Variants in ZNF48 observed in about 807,000 individuals in gnomAD.
The protein encoded by ZNF48 is zinc finger protein 553.
A neutral mutation model predicts 40.0 loss-of-function variants in ZNF48; 20 were observed. The ratio of observed to expected loss-of-function variants is 0.50; its 90% confidence interval spans 0.35 to 0.73. The LOEUF is 0.73. ZNF48 is among the 30% of genes least tolerant of loss of function. The pLI is 0.01. For synonymous variants in ZNF48, 298 were observed against 329.7 expected (o/e 0.90, Z 1.04); for missense variants, 726 against 851.9 (o/e 0.85, Z 1.84).
rs770078563 is a variant in ZNF48 at position 30,397,835 on chromosome 16, T to C, written c.585T>C (p.Gly195=). 6.2e-7 allele frequency: 1 copy of C among 1,613,602 alleles called. No homozygotes were observed. Among genetic ancestry groups the C allele is most frequent in the Admixed American group, 1.7e-5 (1 of 59,974 alleles). Residue 195 remains glycine (G), a synonymous_variant, in exon 3 of 3, where the codon GGT becomes GGC. Coordinates refer to ENST00000613509, the MANE Select transcript of ZNF48 (RefSeq NM_001214909.2). The surrounding 1 kb of genome is among the most constrained non-coding windows in gnomAD (Gnocchi z 4.1). The part of the protein sequence containing the change: ...IPAGERPTIC[G]ECGKSFRQSS... ...CTGGTGAGCGCCCCACTATCTGTGGTGAATGTGGCAAGAGCTTCCGGCAGA... is the reference window on the plus strand; with the variant it reads ...CTGGTGAGCGCCCCACTATCTGTGGCGAATGTGGCAAGAGCTTCCGGCAGA...
upstream of ZNF48, among the ~76,000 whole-genome samples, chr16:30,391,706 AAACTGGTCTCG>A: frequency 6.6e-6 from 1 of 151,320 alleles, no homozygotes; most frequent in Non-Finnish European, 1.5e-5. Context: ...CATGTTGGCC[AAACTGGTCTCG>A]AACTCCTGAC....
chr16:30,397,325 C>G lies in ZNF48; in HGVS notation c.80-5C>G. The G allele has an allele frequency of 1.2e-6, 2 of 1,602,780 alleles. No individual in the cohort carries two copies. Among genetic ancestry groups the G allele is most frequent in the Non-Finnish European group, 1.7e-6 (2 of 1,175,164 alleles). ...AGGGTCTACAACTTCCTTTTCTTTC[C>G]TCAGGTCTAGGGAGTGAGAACGTGA... On this transcript the variant is annotated splice_region_variant and splice_polypyrimidine_tract_variant and intron_variant, in intron 2 of 2. Transcript: ENST00000613509. The surrounding 1 kb of genome is among the most constrained non-coding windows in gnomAD (Gnocchi z 4.1).
At position 30,397,910 on chromosome 16, in the gene ZNF48, C is replaced by G; in HGVS notation, c.660C>G (p.Tyr220Ter). The G allele has an allele frequency of 6.2e-7, 1 of 1,613,116 alleles. No homozygotes were observed. Among genetic ancestry groups the G allele is most frequent in the South Asian group, 1.1e-5 (1 of 91,060 alleles). Reference sequence around the variant, plus strand: ...GGACACACACTGGTGAGAAGCCCTACAAGTGTGGCATATGTGGCAAGGGCT... The same window carrying G: ...GGACACACACTGGTGAGAAGCCCTAGAAGTGTGGCATATGTGGCAAGGGCT... Reference protein sequence around the residue: ...HQRTHTGEKPYKCGICGKGFG... With the variant: ...HQRTHTGEKP The change falls in exon 3 of 3, where the codon TAC (tyrosine) becomes TAG (stop). Residue 220 changes from tyrosine to a stop codon, truncating the protein, a stop_gained. Coordinates refer to ENST00000613509, the MANE Select transcript of ZNF48 (RefSeq NM_001214909.2). LOFTEE classifies it high-confidence loss of function. The surrounding 1 kb of genome is among the most constrained non-coding windows in gnomAD (Gnocchi z 4.1).
chr16:30,388,987 G>A (rs1407540415), intron 1 of ZNF48, among the ~76,000 whole-genome samples: 4 of 152,084 alleles, frequency 2.6e-5, no homozygotes, highest in African/African-American at 7.2e-5. Flanking sequence ...GTGGCCGGGT[G>A]TGGTGGCTCA....
Position 30,382,555 on chromosome 16 carries a change from C to G in ZNF48, c.-16+4145C>G. On this transcript the variant is annotated intron_variant, in intron 1 of 2. Coordinates refer to the ZNF48 transcript ENST00000528032. The surrounding 1 kb of genome is among the most constrained non-coding windows in gnomAD (Gnocchi z 4.8). ...CTCCGCCAGCCATCACTGCACCTGC[C>G]GTCTCTCCCCACTTCCTCTGGTGGG... 6.3e-7 allele frequency: 1 copy of G among 1,588,932 alleles called. No individual in the cohort carries two copies. The highest frequency in any genetic ancestry group is 8.6e-7 in the Non-Finnish European group (1 of 1,167,572).
upstream of ZNF48, among the ~76,000 whole-genome samples, chr16:30,394,061 C>T (rs202209524): frequency 3.3e-5 from 5 of 151,322 alleles, no homozygotes; most frequent in East Asian, 9.7e-4. Flanking sequence ...GACAGGGTCT[C>T]GCTCTGTTGC....
chr16:30,395,997 GA>G lies in ZNF48; in HGVS notation c.79+125del. The G allele has an allele frequency of 9.4e-7, 1 of 1,061,084 alleles. No individual in the cohort carries two copies. Among genetic ancestry groups the G allele is most frequent in the Non-Finnish European group, 1.3e-6 (1 of 794,202 alleles). 65.7% of individuals were successfully genotyped at this position (1,061,084 alleles called of 1,614,324 possible). A position where few individuals can be genotyped will look rare whatever the true frequency, so the allele number is the denominator to read the frequency against. On this transcript the variant is annotated intron_variant, in intron 2 of 2. Transcript: ENST00000613509. This position sits in a 1 kb window ranked among gnomAD's most constrained non-coding sequence, Gnocchi z 5.9. ...AGCTGTGCCTCTGGGGAGATAGGGG[GA>G]GGGGAGCTTTCGGAGCACCAACTGT...
chr16:30,384,747 G>A (rs967509884), intron 1 of ZNF48, among the ~76,000 whole-genome samples: 4 of 151,308 alleles, frequency 2.6e-5, no homozygotes, highest in African/African-American at 4.9e-5. Context: ...GCATGGTGGT[G>A]CACGCCTGTA....
rs562133143 is a variant in ZNF48 at position 30,399,439 on chromosome 16, G to GATGGGCAGTTAGT, written c.*333_*334insTGGGCAGTTAGTA. On this transcript the variant is annotated 3_prime_UTR_variant, in exon 3 of 3. Coordinates refer to ENST00000613509, the MANE Select transcript of ZNF48 (RefSeq NM_001214909.2). Reference sequence around the variant, plus strand: ...CCTGCTGCCTCATCTGTTAAGAACTGACACTTTCCCCTTGCTGGGCAGGTA... The same window carrying GATGGGCAGTTAGT: ...CCTGCTGCCTCATCTGTTAAGAACTGATGGGCAGTTAGTACACTTTCCCCTTGCTGGGCAGGTA... The GATGGGCAGTTAGT allele has an allele frequency of 8.4e-5, 18 of 214,866 alleles. No individual in the cohort carries two copies. The highest frequency in any genetic ancestry group is 1.3e-4 in the Non-Finnish European group (14 of 107,770). The allele number at this position is 214,866 out of a possible 1,614,324, so 13.3% of individuals were successfully genotyped here.
chr16:30,382,937 G>A lies in ZNF48; in HGVS notation c.-16+4527G>A, dbSNP rs1415908649. On this transcript the variant is annotated intron_variant, in intron 1 of 2. Transcript: ENST00000528032. The surrounding 1 kb of genome is among the most constrained non-coding windows in gnomAD (Gnocchi z 4.8). ...GCCTGTAATCTCAGCACTTTGGGAG[G>A]CGGAGGAGGGAGGACAGCTTGAGCC... The A allele has an allele frequency of 1.1e-5, 8 of 718,280 alleles. No individual in the cohort carries two copies. The highest frequency in any genetic ancestry group is 1.7e-5 in the African/African-American group (1 of 57,722). 44.5% of individuals were successfully genotyped at this position (718,280 alleles called of 1,614,324 possible). A position where few individuals can be genotyped will look rare whatever the true frequency, so the allele number is the denominator to read the frequency against.
chr16:30,381,890 G>A lies in ZNF48; in HGVS notation c.-16+3480G>A. ...AGGGTCTGTGTCAAGCGAGCTGTGG[G>A]ATGGGGGAGAGGTCAGGGATCCGGG... is the stretch of plus-strand genomic sequence containing the variant. On this transcript the variant is annotated intron_variant, in intron 1 of 2. Transcript: ENST00000528032. The surrounding 1 kb of genome is among the most constrained non-coding windows in gnomAD (Gnocchi z 4.3). The A allele has an allele frequency of 6.2e-7, 1 of 1,614,088 alleles. No individual in the cohort carries two copies.
In ZNF48 at chr16:30,397,759, C is replaced by T. The variant is rs571888777; in HGVS notation, c.509C>T (p.Ala170Val). The T allele has an allele frequency of 6.2e-7, 1 of 1,613,730 alleles. No individual in the cohort carries two copies. Among genetic ancestry groups the T allele is most frequent in the South Asian group, 1.1e-5 (1 of 91,078 alleles). The change falls in exon 3 of 3, where the codon GCC (alanine) becomes GTC (valine). Residue 170 changes from alanine (A) to valine (V), a missense_variant. By Grantham distance (64) the Ala-to-Val change is moderately conservative. Around this residue, in one of 5 missense-constraint regions of ZNF48, gnomAD observed 378 missense variants for 449.1 expected, o/e 0.84. Transcript: ENST00000613509. This position sits in a 1 kb window ranked among gnomAD's most constrained non-coding sequence, Gnocchi z 4.1. ...RTHSGEKPYRARPPAQGPPKI... is the reference protein window; with the variant it reads ...RTHSGEKPYRVRPPAQGPPKI... ...CATAGTGGGGAGAAGCCCTATAGAGCCCGGCCACCAGCCCAGGGTCCCCCA... is the reference window on the plus strand; with the variant it reads ...CATAGTGGGGAGAAGCCCTATAGAGTCCGGCCACCAGCCCAGGGTCCCCCA...
At chr16:30,378,418 CG>C in intron 1 of ZNF48, 1 of 1,554,700 alleles carries the variant, frequency 6.4e-7, no homozygotes. Flanking sequence ...GAGGTAAGGC[CG>C]GGCGGGGCGT....
Position 30,399,108 on chromosome 16 carries a change from CGCG to C in ZNF48, c.*3_*5del, listed in dbSNP as rs2050026965. 6.3e-7 allele frequency: 1 copy of C among 1,575,326 alleles called. No homozygotes were observed. Among genetic ancestry groups the C allele is most frequent in the South Asian group, 1.2e-5 (1 of 85,416 alleles). ...GGAGGCAGCAACAGGACTGGAATGACGCGGTCCAGGGAGGGCGGAGGCCCAGGA... is the reference window on the plus strand; with the variant it reads ...GGAGGCAGCAACAGGACTGGAATGACGTCCAGGGAGGGCGGAGGCCCAGGA... On this transcript the variant is annotated 3_prime_UTR_variant, in exon 3 of 3. Coordinates refer to ENST00000613509, the MANE Select transcript of ZNF48 (RefSeq NM_001214909.2).
chr16:30,388,535 T>G (rs780381342), intron 1 of ZNF48, among the ~76,000 whole-genome samples: 1 of 151,996 alleles, frequency 6.6e-6, no homozygotes, highest in African/African-American at 2.4e-5. Context: ...ATTTTAAGCA[T>G]TTGTACATAT....
rs762409510 is a variant in ZNF48, at chr16:30,381,485, G to GA, written c.-16+3076dup. ...CCACCGGAAGCCAGCTGGGTGTGGG[G>GA]AGAGGATGTGAGGTCAGAGATCAAA... On this transcript the variant is annotated intron_variant, in intron 1 of 2. Transcript: ENST00000528032. The surrounding 1 kb of genome is among the most constrained non-coding windows in gnomAD (Gnocchi z 4.3). 1.2e-6 allele frequency: 2 copies of GA among 1,613,962 alleles called. No individual in the cohort carries two copies. Among genetic ancestry groups the GA allele is most frequent in the Non-Finnish European group, 1.7e-6 (2 of 1,179,960 alleles).
At chr16:30,390,112 T>C (rs949105749) in intron 1 of ZNF48, among the ~76,000 whole-genome samples, 1 of 152,038 alleles carries the variant, frequency 6.6e-6, no homozygotes, top group African/African-American at 2.4e-5. Flanking sequence ...TAAGCCACTA[T>C]GCCCAGCCCG....
intron 1 of ZNF48, among the ~76,000 whole-genome samples, chr16:30,386,435 G>A (rs1567428876): frequency 6.6e-6 from 1 of 152,144 alleles, no homozygotes; most frequent in East Asian, 1.9e-4. Flanking sequence ...CACTTTGGGA[G>A]GCTGAGGCAG....
At position 30,378,471 on chromosome 16, in the gene ZNF48, T is replaced by C. The variant is rs200316804; in HGVS notation, c.-16+61T>C. On this transcript the variant is annotated intron_variant, in intron 1 of 2. Transcript: ENST00000528032. The stretch of plus-strand genomic sequence containing the variant: ...TGACTGCTCGCCCTGGGCCTGGCTC[T>C]GCTGCATTTGGGCCTGCATCTTCTC... The C allele has an allele frequency of 7.0e-6, 11 of 1,576,614 alleles. No homozygotes were observed. The East Asian group carries it at 2.5e-4, about 36-fold the overall frequency.
Sources: gnomAD v4.1 joint callset for allele counts (sites outside exome capture counted in the v4.1 genomes callset) on GRCh38, gnomAD v4.1.1 for gene constraint, gnomAD v4.1.1 regional missense constraint, Gnocchi (gnomAD v3.1) non-coding constraint, MANE v1.5 for transcripts, NCBI Gene and HGNC (gene_info 2026-07-23, HGNC 2026-07-21) for gene names.